The following PPP2R1B variants were observed in gnomAD, a reference collection of about 807,000 sequenced individuals.
The protein encoded by PPP2R1B is protein phosphatase 2 scaffold subunit Abeta.
A neutral mutation model predicts 72.7 loss-of-function variants in PPP2R1B; 58 were observed. The ratio of observed to expected loss-of-function variants is 0.80; its 90% CI spans 0.65 to 0.99. The LOEUF (loss-of-function observed/expected upper bound fraction) is 0.99. PPP2R1B is among the 50% of genes least tolerant of loss of function. PPP2R1B has a pLI of 0.00. For synonymous variants in PPP2R1B, 256 were observed against 264.6 expected (o/e 0.97, Z 0.32); for missense variants, 695 against 733.6 (o/e 0.95, Z 0.61).
the PPP2R1B span, among the ~76,000 whole-genome samples, chr11:111,688,588 T>C: frequency 2.6e-5 from 4 of 152,174 alleles, no homozygotes; most frequent in African/African-American, 4.8e-5. The surrounding 1 kb of genome is among the most constrained non-coding windows in gnomAD (Gnocchi z 4.2). Context: ...GAATGAGAAA[T>C]AGTTGAGACA....
chr11:111,729,423 CACA>C (rs1944107220), intron 15 of PPP2R1B: 1 of 152,276 alleles, frequency 6.6e-6, no homozygotes, highest in Admixed American at 6.5e-5. Flanking sequence ...TTCTAACCCT[CACA>C]ACAATTCTAT....
At position 111,739,052 on chromosome 11, in the gene PPP2R1B, G is replaced by A. The variant is rs771032363; in HGVS notation, c.*2544C>T. The A allele has an allele frequency of 2.7e-4, 264 of 985,364 alleles. No individual in the cohort carries two copies. The highest frequency in any genetic ancestry group is 5.5e-4 in the Admixed American group (9 of 16,274). The allele number at this position is 985,364 out of a possible 1,614,324, so 61.0% of individuals were successfully genotyped here. A position where few individuals can be genotyped will look rare whatever the true frequency, so the allele number is the denominator to read the frequency against. On this transcript the variant is annotated 3_prime_UTR_variant, in exon 15 of 15. Transcript: ENST00000527614. ...TAGTCTAAGCCAGGGGACCAGAAAA[G>A]GGCCACATAAAGCTTGTTTCCTGAA...
At position 111,755,397 on chromosome 11, in the gene PPP2R1B, C is replaced by CA. The variant is rs1945068685; in HGVS notation, c.740dup (p.Leu247PhefsTer5). 1 of 1,613,316 alleles carries CA rather than the reference C, an allele frequency of 6.2e-7. No individual in the cohort carries two copies. The highest frequency in any genetic ancestry group is 8.5e-7 in the Non-Finnish European group (1 of 1,179,870). On this transcript the variant is annotated frameshift_variant, in exon 6 of 15. Transcript: ENST00000527614. LOFTEE classifies it high-confidence loss of function. ...CCAAAGTCTCAAGGTCATCCTGAGACAATAACTGGGCAATACTGACACAAG... is the reference window on the plus strand; with the variant it reads ...CCAAAGTCTCAAGGTCATCCTGAGACAAATAACTGGGCAATACTGACACAAG...
intron 10 of PPP2R1B, among the ~76,000 whole-genome samples, chr11:111,748,745 T>C (rs951322553): frequency 6.6e-6 from 1 of 152,370 alleles, no homozygotes; most frequent in Non-Finnish European, 1.5e-5. Context: ...ACAGTCTTGC[T>C]TCTTTGAACT....
chr11:111,719,757 C>G, the PPP2R1B span: 2 of 1,605,790 alleles, frequency 1.2e-6, no homozygotes, highest in Non-Finnish European at 1.7e-6. Flanking sequence ...TGAGTTTCCT[C>G]TCTCCCCTGG....
Position 111,758,832 on chromosome 11 carries a change from AT to A in PPP2R1B, c.687+971del, listed in dbSNP as rs1255542950. Among the ~76,000 whole-genome samples, 7 of 152,220 alleles carry A rather than the reference AT, an allele frequency of 4.6e-5. No homozygotes were observed. In the East Asian group the frequency reaches 9.6e-4, roughly 21 times the overall value. The stretch of plus-strand genomic sequence containing the variant: ...TAATAGTTCATTAAGTTATACATTC[AT>A]TTTGTACATTTATTATTAGAATAAA... On this transcript the variant is annotated intron_variant, in intron 5 of 14. Transcript: ENST00000527614.
At chr11:111,705,060 G>A in the PPP2R1B span, 7 of 1,610,880 alleles carry the variant, frequency 4.3e-6, no homozygotes, top group Non-Finnish European at 5.9e-6. The surrounding 1 kb of genome is among the most constrained non-coding windows in gnomAD (Gnocchi z 4.3). Flanking sequence ...AAATCACATC[G>A]GAGCAGTTTC....
At position 111,740,076 on chromosome 11, in the gene PPP2R1B, G is replaced by C; in HGVS notation, c.*1520C>G. ...AGAACAGGACTTGTTAGATTTAAAA[G>C]AGGTTGTGAACAAAATCAACAATTC... On this transcript the variant is annotated 3_prime_UTR_variant, in exon 15 of 15. Transcript: ENST00000527614. 3.0e-6 allele frequency: 3 copies of C among 985,402 alleles called. No homozygotes were observed. The highest frequency in any genetic ancestry group is 3.6e-6 in the Non-Finnish European group (3 of 829,888). The allele number at this position is 985,402 out of a possible 1,614,324, so 61.0% of individuals were successfully genotyped here.
Position 111,740,379 on chromosome 11 carries a change from A to C in PPP2R1B, c.*1217T>G. 1.1e-6 allele frequency: 1 copy of C among 897,732 alleles called. No homozygotes were observed. Among genetic ancestry groups the C allele is most frequent in the African/African-American group, 1.8e-5 (1 of 55,224 alleles). 55.6% of individuals were successfully genotyped at this position (897,732 alleles called of 1,614,324 possible). On this transcript the variant is annotated 3_prime_UTR_variant, in exon 15 of 15. Transcript: ENST00000527614. ...ACTACAGGTGTGTGCCACCACGCCC[A>C]GCTAACTTTTTTGTATTTTTAGTAG...
the PPP2R1B span, chr11:111,704,919 TAG>T: frequency 1.4e-6 from 2 of 1,473,140 alleles, no homozygotes; most frequent in South Asian, 1.4e-5. Context: ...TCTTTTTTTT[TAG>T]GCATGTGTAG....
At chr11:111,722,355 C>T (rs988935462), downstream of PPP2R1B, among the ~76,000 whole-genome samples, 6 of 152,212 alleles carry the variant, frequency 3.9e-5, no homozygotes, top group African/African-American at 1.2e-4. The surrounding 1 kb of genome is among the most constrained non-coding windows in gnomAD (Gnocchi z 4.4). Context: ...ATTCATTCAG[C>T]GGGTGCTGGG....
chr11:111,761,942 AGAGT>A (rs1383690394), intron 3 of PPP2R1B, among the ~76,000 whole-genome samples: 10 of 152,118 alleles, frequency 6.6e-5, no homozygotes, highest in Admixed American at 3.9e-4. Flanking sequence ...CCTGGGTGAC[AGAGT>A]GAGGCTCTTG....
At chr11:111,765,427 G>T in intron 1 of PPP2R1B, 43 bp from the exon 2 acceptor site, 1 of 1,489,242 alleles carries the variant, frequency 6.7e-7, no homozygotes, top group Non-Finnish European at 9.3e-7. Context: ...TAAAGAAACG[G>T]CTGAATTTAG....
Position 111,764,896 on chromosome 11 carries a change from T to C in PPP2R1B, c.215A>G (p.Tyr72Cys). ...ELLPFLTDTI[Y>C]DEDEVLLALA... ...AGCTAATAGTACCTCATCTTCATCA[T>C]AAATTGTATCTGGAAGTGACAACAA... The change falls in exon 3 of 15, where the codon TAT (tyrosine) becomes TGT (cysteine). Residue 72 changes from tyrosine to cysteine, a missense_variant. Transcript: ENST00000527614. 3.1e-6 allele frequency: 5 copies of C among 1,613,884 alleles called. No homozygotes were observed. The highest frequency in any genetic ancestry group is 4.2e-6 in the Non-Finnish European group (5 of 1,180,016).
At chr11:111,703,367 G>A in the PPP2R1B span, 1 of 1,614,102 alleles carries the variant, frequency 6.2e-7, no homozygotes, top group Non-Finnish European at 8.5e-7. Flanking sequence ...GGAGTTTAAT[G>A]AGCAGGTTCT....
Position 111,759,937 on chromosome 11 carries a change from A to C in PPP2R1B, c.554T>G (p.Leu185Trp). The C allele has an allele frequency of 6.2e-7, 1 of 1,614,000 alleles. No homozygotes were observed. Among genetic ancestry groups the C allele is most frequent in the Non-Finnish European group, 8.5e-7 (1 of 1,179,938 alleles). Residue 185 changes from leucine (L) to tryptophan (W), a missense_variant, in exon 5 of 15, where the codon TTG becomes TGG. Physicochemically the swap from Leu to Trp is moderately conservative, Grantham distance 61. Transcript: ENST00000527614. ...KAEIRQQFRS[L>W]CSDDTPMVRR... ...TACCATTGGTGTGTCATCTGAGCAC[A>C]AGGAACGGAATTGCCTGCAACATAA...
At position 111,741,300 on chromosome 11, in the gene PPP2R1B, AC is replaced by A. The variant is rs1306223726; in HGVS notation, c.*295del. On this transcript the variant is annotated 3_prime_UTR_variant, in exon 15 of 15. Coordinates refer to ENST00000527614, the MANE Select transcript of PPP2R1B (RefSeq NM_002716.5). ...CATTATGTGGCTGGTGCCTGATTCC[AC>A]AGTGAGGATGCAGGAGCCCAGGTGG... The A allele has an allele frequency of 7.5e-6, 9 of 1,204,404 alleles. No homozygotes were observed. Among genetic ancestry groups the A allele is most frequent in the Non-Finnish European group, 9.3e-6 (9 of 967,326 alleles). The allele number at this position is 1,204,404 out of a possible 1,614,324, so 74.6% of individuals were successfully genotyped here.
chr11:111,716,517 C>T, the PPP2R1B span, among the ~76,000 whole-genome samples: 1 of 152,100 alleles, frequency 6.6e-6, no homozygotes, highest in Non-Finnish European at 1.5e-5. Context: ...ATGGAGGTTG[C>T]AGTGAGCCCA....
intron 8 of PPP2R1B, among the ~76,000 whole-genome samples, 173 bp downstream of exon 8, chr11:111,754,326 C>T (rs1260635516): frequency 3.3e-5 from 5 of 152,200 alleles, no homozygotes; most frequent in Admixed American, 2.0e-4. Flanking sequence ...TTTACAATTA[C>T]AATGGGCTAA....
Sources: gnomAD v4.1 joint callset for allele counts (sites outside exome capture counted in the v4.1 genomes callset) on GRCh38, gnomAD v4.1.1 for gene constraint, Gnocchi (gnomAD v3.1) non-coding constraint, MANE v1.5 for transcripts, NCBI Gene and HGNC (gene_info 2026-07-23, HGNC 2026-07-21) for gene names.